Variants in VPS41 observed in about 807,000 individuals in gnomAD.
VPS41 encodes the protein vacuolar protein sorting-associated protein 41 homolog.
Under a neutral mutation model 130.9 loss-of-function variants are expected in VPS41, and 85 were observed. The observed-to-expected ratio is 0.65, with a 90% CI of 0.55 to 0.78. The LOEUF is 0.78. VPS41 is among the 30% of genes least tolerant of loss of function. The pLI, the probability that VPS41 is intolerant of heterozygous loss-of-function variation, is 0.00. For missense variants in VPS41, 874 were observed against 1,018.7 expected (o/e 0.86, Z 1.93); for synonymous variants, 335 against 332.9 (o/e 1.01, Z -0.07).
chr7:38,876,753 T>C (rs1287783212), intron 2 of VPS41, among the ~76,000 whole-genome samples: 1 of 152,166 alleles, frequency 6.6e-6, no homozygotes, highest in African/African-American at 2.4e-5. Context: ...ATTCACAAGA[T>C]ATGCAGTCTT....
At chr7:38,761,643 G>A (rs959983710) in intron 17 of VPS41, among the ~76,000 whole-genome samples, 1 of 151,750 alleles carries the variant, frequency 6.6e-6, no homozygotes, top group African/African-American at 2.4e-5. Flanking sequence ...CTAAGCTGGA[G>A]TGCAGTAGCA....
chr7:38,821,386 A>G lies in VPS41; in HGVS notation c.322-121T>C, dbSNP rs1584412191. ...TATTTAATAATTTTAAGGCCCCGTG[A>G]CCTCTATTAAATATCTAATGAAAAC... On this transcript the variant is annotated intron_variant, in intron 5 of 28. Transcript: ENST00000310301. 5.8e-6 allele frequency: 4 copies of G among 685,448 alleles called. No individual in the cohort carries two copies. The East Asian group carries it at 1.1e-4, about 18-fold the overall frequency. The allele number at this position is 685,448 out of a possible 1,614,324, so 42.5% of individuals were successfully genotyped here.
intron 4 of VPS41, among the ~76,000 whole-genome samples, chr7:38,853,070 T>C (rs562378137): frequency 6.6e-6 from 1 of 152,122 alleles, no homozygotes; most frequent in Admixed American, 6.5e-5. Flanking sequence ...ACAATATACA[T>C]GAAGACAAGA....
chr7:38,731,747 T>A (rs535414539), intron 25 of VPS41, among the ~76,000 whole-genome samples: 1 of 151,212 alleles, frequency 6.6e-6, no homozygotes, highest in South Asian at 2.1e-4. Context: ...TATCTTTCAT[T>A]ATTTTGTGCT....
rs548425225 is a variant in VPS41 at position 38,851,298 on chromosome 7, A to G, written c.246+11247T>C. ...TAAAGTGAAATCAGATTTTTAGATT[A>G]CCCCATAGGGCATTTAATTCTTTTC... On this transcript the variant is annotated intron_variant, in intron 4 of 28. Coordinates refer to ENST00000310301, the MANE Select transcript of VPS41 (RefSeq NM_014396.4). 5.9e-5 allele frequency among the ~76,000 whole-genome samples: 9 copies of G among 152,310 alleles called. No individual in the cohort carries two copies. In the South Asian group the frequency reaches 1.0e-3, roughly 18 times the overall value.
At chr7:38,809,249 C>T (rs1784894138) in intron 7 of VPS41, among the ~76,000 whole-genome samples, 1 of 151,008 alleles carries the variant, frequency 6.6e-6, no homozygotes, top group Admixed American at 6.6e-5. Flanking sequence ...CTTTGGGAGG[C>T]CGAGGCAGGC....
At chr7:38,855,839 C>G (rs1189431819) in intron 4 of VPS41, among the ~76,000 whole-genome samples, 1 of 152,132 alleles carries the variant, frequency 6.6e-6, no homozygotes, top group Non-Finnish European at 1.5e-5. Flanking sequence ...TACTGCTGAA[C>G]ATAAGGGTTA....
At chr7:38,889,003 G>A (rs1406562179) in intron 2 of VPS41, among the ~76,000 whole-genome samples, 3 of 152,026 alleles carry the variant, frequency 2.0e-5, no homozygotes, top group Non-Finnish European at 2.9e-5. Context: ...AATACCTAAT[G>A]TAGGTGACAG....
At chr7:38,727,655 C>T (rs574426700) in intron 27 of VPS41, among the ~76,000 whole-genome samples, 1 of 152,312 alleles carries the variant, frequency 6.6e-6, no homozygotes, top group South Asian at 2.1e-4. Flanking sequence ...AGCACTTAAA[C>T]ATCCAAATCT....
In VPS41 at chr7:38,772,609, G is replaced by C; in HGVS notation, c.1041C>G (p.Tyr347Ter). 6.2e-7 allele frequency: 1 copy of C among 1,611,764 alleles called. No homozygotes were observed. The highest frequency in any genetic ancestry group is 8.5e-7 in the Non-Finnish European group (1 of 1,178,588). Residue 347 changes from tyrosine to a stop codon, truncating the protein, a stop_gained, in exon 13 of 29, where the codon TAC (tyrosine) becomes TAG (stop). Coordinates refer to ENST00000310301, the MANE Select transcript of VPS41 (RefSeq NM_014396.4). LOFTEE classifies it high-confidence loss of function. The stretch of plus-strand genomic sequence containing the variant: ...CTACAACATCTCTCGGACTCACGAT[G>C]TAAAAAAGTGATTCCCCTTCAGAGT... ...LEYSEGESLF[Y>*]IVSPRDVVVA...
At chr7:38,892,999 T>C (rs959814358) in intron 2 of VPS41, among the ~76,000 whole-genome samples, 7 of 152,254 alleles carry the variant, frequency 4.6e-5, no homozygotes, top group Admixed American at 3.3e-4. Context: ...TATGGGGACT[T>C]CCATGAGAAC....
intron 25 of VPS41, among the ~76,000 whole-genome samples, chr7:38,738,535 C>T (rs1024447369): frequency 6.6e-5 from 10 of 152,134 alleles, no homozygotes; most frequent in African/African-American, 2.2e-4. Context: ...TGGACATAAA[C>T]GCTCAACAAC....
chr7:38,890,030 T>C (rs993728147), intron 2 of VPS41, among the ~76,000 whole-genome samples: 4 of 152,142 alleles, frequency 2.6e-5, no homozygotes, highest in Non-Finnish European at 4.4e-5. Flanking sequence ...TATATTTCAA[T>C]ACCTAGAGCA....
At chr7:38,867,933 T>C (rs11980627) in intron 3 of VPS41, among the ~76,000 whole-genome samples, 94,468 of 152,010 alleles carry the variant, frequency 0.62, 30,692 homozygotes, top group East Asian at 0.89. Flanking sequence ...AATCATTTCA[T>C]AGACACAGAA....
intron 2 of VPS41, among the ~76,000 whole-genome samples, chr7:38,881,213 G>A (rs1222741099): frequency 2.0e-5 from 3 of 152,192 alleles, no homozygotes; most frequent in Admixed American, 2.0e-4. Context: ...AAGCTGGGGG[G>A]AGAATCCCTT....
chr7:38,906,136 T>C (rs925825170), intron 1 of VPS41, among the ~76,000 whole-genome samples: 3 of 152,058 alleles, frequency 2.0e-5, no homozygotes, highest in Admixed American at 6.6e-5. Context: ...TTTAAAAAAA[T>C]GGTATAATAA....
At position 38,803,405 on chromosome 7, in the gene VPS41, C is replaced by A. The variant is rs1562592310; in HGVS notation, c.451-6541G>T. Among the ~76,000 whole-genome samples the A allele has an allele frequency of 3.9e-5, 6 of 152,214 alleles. No homozygotes were observed. In the South Asian group the frequency reaches 1.0e-3, roughly 26 times the overall value. ...GGCAGACAAGAAAGTGGGCAAGATT[C>A]AGCAGGGGCTTCAGCCGAGGGTCAA... On this transcript the variant is annotated intron_variant, in intron 7 of 28. Coordinates refer to ENST00000310301, the MANE Select transcript of VPS41 (RefSeq NM_014396.4).
rs1477864453 is a variant in VPS41 at position 38,898,115 on chromosome 7, A to T, written c.36T>A (p.Leu12=). Residue 12 remains leucine (L), a synonymous_variant, in exon 2 of 29, where the codon CTT becomes CTA. Transcript: ENST00000310301. ...AEAEEQETGS[L]EESTDESEEE... is the part of the protein sequence containing the mutation. Reference sequence around the variant, plus strand: ...CCTCAGACTCATCTGTAGATTCTTCAAGGGACCCAGTTTCCTATAAAGCAT... The same window carrying T: ...CCTCAGACTCATCTGTAGATTCTTCTAGGGACCCAGTTTCCTATAAAGCAT... 2 of 1,613,728 alleles carry T rather than the reference A, an allele frequency of 1.2e-6. No individual in the cohort carries two copies. The highest frequency in any genetic ancestry group is 3.3e-5 in the Admixed American group (2 of 60,026).
chr7:38,864,602 T>A (rs1454833550), intron 3 of VPS41, among the ~76,000 whole-genome samples: 1 of 152,196 alleles, frequency 6.6e-6, no homozygotes, highest in Admixed American at 6.5e-5. Flanking sequence ...ATATTATGGA[T>A]GAGTCATATT....
Sources: allele counts gnomAD v4.1 joint callset (sites outside exome capture counted in the v4.1 genomes callset), GRCh38; gene constraint gnomAD v4.1.1; transcripts MANE v1.5; gene names NCBI Gene and HGNC (gene_info 2026-07-23, HGNC 2026-07-21).